Variants in CNTNAP4 observed in about 807,000 individuals in gnomAD.
CNTNAP4 encodes contactin associated protein family member 4.
Under a neutral mutation model 148.4 loss-of-function variants are expected in CNTNAP4, and 98 were observed. The observed-to-expected ratio is 0.66, with a 90% confidence interval of 0.56 to 0.78. CNTNAP4 has a LOEUF of 0.78. Ranked by LOEUF, CNTNAP4 falls within the 30% of genes least tolerant of loss-of-function variation. The pLI, the probability that CNTNAP4 is intolerant of heterozygous loss-of-function variation, is 0.00. For synonymous variants in CNTNAP4, 730 were observed against 565.1 expected, an observed-to-expected ratio of 1.29 and a Z score of -4.14; for missense variants, 1,935 against 1,565.6, an observed-to-expected ratio of 1.24 and a Z score of -3.98.
Position 76,494,916 on chromosome 16 carries a change from C to A in CNTNAP4, c.2087C>A (p.Thr696Asn). Residue 696 changes from threonine (T) to asparagine (N), a missense_variant, in exon 14 of 24, where the codon ACC (threonine) becomes AAC (asparagine). Coordinates refer to ENST00000611870, the MANE Select transcript of CNTNAP4 (RefSeq NM_033401.5). ...KSRLVNKQDG[T>N]PLSWWVGRTN... ...TTTCACGTTTTTCTTTCAGATGGAA[C>A]CCCTCTGAGTTGGTGGGTAGGAAGA... 6.2e-7 allele frequency: 1 copy of A among 1,612,298 alleles called. No individual in the cohort carries two copies. The highest frequency in any genetic ancestry group is 8.5e-7 in the Non-Finnish European group (1 of 1,178,888).
chr16:76,381,125 T>A (rs1307973568), intron 3 of CNTNAP4, among the ~76,000 whole-genome samples: 1 of 152,222 alleles, frequency 6.6e-6, no homozygotes, highest in Non-Finnish European at 1.5e-5. Flanking sequence ...ACTTTCACAC[T>A]ATCTTCCTCT....
At chr16:76,510,504 CG>C (rs1321773541) in intron 15 of CNTNAP4, among the ~76,000 whole-genome samples, 1 of 150,456 alleles carries the variant, frequency 6.6e-6, no homozygotes, top group Non-Finnish European at 1.5e-5. Context: ...TATTTCTCTT[CG>C]GTATGTACCT....
At chr16:76,475,879 G>A in intron 10 of CNTNAP4, 60 bp from the exon 11 acceptor site, 1 of 1,157,202 alleles carries the variant, frequency 8.6e-7, no homozygotes, top group East Asian at 2.4e-5. Flanking sequence ...AGTATAAATG[G>A]TCAATACTTT....
rs2085322180 is a variant in CNTNAP4 at position 76,559,200 on chromosome 16, A to G, written c.*517A>G. On this transcript the variant is annotated 3_prime_UTR_variant, in exon 24 of 24. Transcript: ENST00000611870. ...ATAAAGCCCCTTTGCCTTTCTCTGT[A>G]TTATATTCAATACAATACATCAATA... 1 of 152,182 alleles carries G rather than the reference A, an allele frequency of 6.6e-6. No individual in the cohort carries two copies. Among genetic ancestry groups the G allele is most frequent in the African/African-American group, 2.4e-5 (1 of 41,418 alleles). 9.4% of individuals were successfully genotyped at this position (152,182 alleles called of 1,614,324 possible).
chr16:76,306,456 A>G (rs915038062), intron 1 of CNTNAP4, among the ~76,000 whole-genome samples: 27 of 152,164 alleles, frequency 1.8e-4, no homozygotes, highest in Non-Finnish European at 3.4e-4. Flanking sequence ...GCAATAAAAC[A>G]TGATTGGCTC....
intron 3 of CNTNAP4, among the ~76,000 whole-genome samples, chr16:76,372,513 A>G (rs1421194909): frequency 6.6e-6 from 1 of 152,056 alleles, no homozygotes; most frequent in Admixed American, 6.6e-5. Context: ...GGAGGGACCC[A>G]ATGTGAGATA....
chr16:76,280,012 C>A (rs1549659), intron 1 of CNTNAP4, among the ~76,000 whole-genome samples: 1 of 152,146 alleles, frequency 6.6e-6, no homozygotes, highest in Non-Finnish European at 1.5e-5. Flanking sequence ...CCAGCATATG[C>A]ATTTCTAAAG....
chr16:76,436,648 C>T (rs539867207), intron 4 of CNTNAP4, among the ~76,000 whole-genome samples: 1 of 152,064 alleles, frequency 6.6e-6, no homozygotes, highest in Non-Finnish European at 1.5e-5. Flanking sequence ...CATTATGTTC[C>T]TTGGTTCTCC....
At chr16:76,535,252 CAT>C (rs1277605198) in intron 17 of CNTNAP4, among the ~76,000 whole-genome samples, 1 of 152,124 alleles carries the variant, frequency 6.6e-6, no homozygotes, top group Non-Finnish European at 1.5e-5. Context: ...AATAACGATA[CAT>C]GTCACTGTTA....
chr16:76,442,265 G>T (rs930938556), intron 4 of CNTNAP4, among the ~76,000 whole-genome samples: 1 of 152,038 alleles, frequency 6.6e-6, no homozygotes, highest in Non-Finnish European at 1.5e-5. Flanking sequence ...ACAAAGAAAT[G>T]AATTATTTTT....
At chr16:76,403,995 A>G (rs1417791037) in intron 3 of CNTNAP4, among the ~76,000 whole-genome samples, 2 of 152,192 alleles carry the variant, frequency 1.3e-5, no homozygotes, top group African/African-American at 4.8e-5. Flanking sequence ...CTAAATGATG[A>G]GAACTCATAA....
intron 15 of CNTNAP4, among the ~76,000 whole-genome samples, chr16:76,508,359 G>T (rs2082900432): frequency 1.0e-5 from 1 of 97,100 alleles, no homozygotes. Flanking sequence ...TTCCATCTAA[G>T]CCATTTCTCA....
At chr16:76,345,598 C>T (rs775831071) in intron 2 of CNTNAP4, among the ~76,000 whole-genome samples, 1 of 152,096 alleles carries the variant, frequency 6.6e-6, no homozygotes, top group Non-Finnish European at 1.5e-5. Flanking sequence ...GTGATAAGGC[C>T]ATCTGTGTTT....
At chr16:76,350,268 A>T (rs1486174590) in intron 2 of CNTNAP4, among the ~76,000 whole-genome samples, 1 of 152,186 alleles carries the variant, frequency 6.6e-6, no homozygotes, top group Non-Finnish European at 1.5e-5. Flanking sequence ...TATTAAAAAT[A>T]AGTAATTTCT....
chr16:76,341,940 C>T (rs571717145), intron 2 of CNTNAP4, among the ~76,000 whole-genome samples: 1 of 152,300 alleles, frequency 6.6e-6, no homozygotes, highest in South Asian at 2.1e-4. Flanking sequence ...GAAGGAGGAG[C>T]TTGCCCGAAG....
chr16:76,540,789 A>G lies in CNTNAP4; in HGVS notation c.3441A>G (p.Leu1147=). Residue 1147 remains leucine (L), a splice_region_variant and synonymous_variant, in exon 21 of 24, where the codon TTA becomes TTG. Coordinates refer to ENST00000611870, the MANE Select transcript of CNTNAP4 (RefSeq NM_033401.5). ...AATCTCTGGTATTGGGCAGGATTTTAGGTAAGTGAAAGAAACAACCTTTCC... is the reference window on the plus strand; with the variant it reads ...AATCTCTGGTATTGGGCAGGATTTTGGGTAAGTGAAAGAAACAACCTTTCC... ...AVKSLVLGRI[L]EHSDVDQDTA... is the part of the protein sequence containing the mutation. 6 of 1,557,354 alleles carry G rather than the reference A, an allele frequency of 3.9e-6. No individual in the cohort carries two copies. Among genetic ancestry groups the G allele is most frequent in the Non-Finnish European group, 5.2e-6 (6 of 1,147,584 alleles).
chr16:76,443,771 A>G (rs928682663), intron 4 of CNTNAP4, among the ~76,000 whole-genome samples: 5 of 152,172 alleles, frequency 3.3e-5, no homozygotes, highest in Non-Finnish European at 7.4e-5. Flanking sequence ...CAATACAAAG[A>G]CATATTGCTA....
intron 3 of CNTNAP4, among the ~76,000 whole-genome samples, chr16:76,367,450 AT>A (rs762374906): frequency 1.2e-4 from 18 of 152,300 alleles, no homozygotes; most frequent in Non-Finnish European, 8.8e-5. Context: ...CTGCATAAAA[AT>A]ATAACATATA....
At chr16:76,386,276 A>G (rs1567957348) in intron 3 of CNTNAP4, among the ~76,000 whole-genome samples, 1 of 152,214 alleles carries the variant, frequency 6.6e-6, no homozygotes, top group African/African-American at 2.4e-5. Context: ...TATTCTTGCC[A>G]CGTCTTTTAT....
Sources: gnomAD v4.1 joint callset for allele counts (sites outside exome capture counted in the v4.1 genomes callset) on GRCh38, gnomAD v4.1.1 for gene constraint, MANE v1.5 for transcripts, NCBI Gene and HGNC (gene_info 2026-07-23, HGNC 2026-07-21) for gene names.